DCHS1: variants seen among roughly 807,000 people sequenced by gnomAD.
The protein encoded by DCHS1 is protocadherin-16.
In DCHS1, 78 loss-of-function variants were observed where a neutral mutation model predicts 213.9. The observed-to-expected ratio is 0.36, with a 90% CI of 0.30 to 0.44. The LOEUF (loss-of-function observed/expected upper bound fraction) is 0.44. DCHS1 is among the 20% of genes least tolerant of loss of function. The pLI, the probability that DCHS1 is intolerant of heterozygous loss-of-function variation, is 1.00. For synonymous variants in DCHS1, 1,828 were observed against 1,873.7 expected (o/e 0.98, Z 0.63); for missense variants, 3,946 against 4,395.9 (o/e 0.90, Z 2.89).
Position 6,625,513 on chromosome 11 carries a change from T to C in DCHS1, c.6863-32A>G, listed in dbSNP as rs1422967441. On this transcript the variant is annotated intron_variant, in intron 18 of 20. Transcript: ENST00000299441. The surrounding 1 kb of genome is among the most constrained non-coding windows in gnomAD (Gnocchi z 5.3). ...TACATGAGACTAGTGTGTTTGGCAA[T>C]GGACACAGCCCCACCTTGAGCTGCA... 1.9e-6 allele frequency: 3 copies of C among 1,607,242 alleles called. No individual in the cohort carries two copies. Among genetic ancestry groups the C allele is most frequent in the South Asian group, 2.2e-5 (2 of 90,296 alleles).
intron 2 of DCHS1, among the ~76,000 whole-genome samples, chr11:6,638,009 G>T (rs940095559): frequency 2.0e-5 from 3 of 152,192 alleles, no homozygotes; most frequent in Non-Finnish European, 4.4e-5. Flanking sequence ...ACCACCTGGA[G>T]AGTTGCCCTC....
intron 1 of DCHS1, among the ~76,000 whole-genome samples, chr11:6,650,145 C>T (rs994425449): frequency 6.6e-6 from 1 of 152,192 alleles, no homozygotes; most frequent in Non-Finnish European, 1.5e-5. Flanking sequence ...TTCTTTCTCT[C>T]TCACCATCCA....
chr11:6,625,674 G>A lies in DCHS1; in HGVS notation c.6785C>T (p.Thr2262Ile), dbSNP rs756398956. The A allele has an allele frequency of 6.2e-7, 1 of 1,613,116 alleles. No individual in the cohort carries two copies. Among genetic ancestry groups the A allele is most frequent in the Admixed American group, 1.7e-5 (1 of 59,818 alleles). ...RGSPALVGSA[T>I]LTVMVIDTND... ...GGTGTCGATGACCATCACCGTCAAG[G>A]TAGCTGAGCCCACCAGGGCTGGGCT... The change falls in exon 18 of 21, where the codon ACC becomes ATC. Residue 2262 changes from threonine to isoleucine, a missense_variant. By Grantham distance (89) the Thr-to-Ile change is moderately conservative. Around this residue, in one of 3 missense-constraint regions of DCHS1, gnomAD observed 3,384 missense variants for 3,780.1 expected, o/e 0.90. Transcript: ENST00000299441. The surrounding 1 kb of genome is among the most constrained non-coding windows in gnomAD (Gnocchi z 5.3).
At chr11:6,644,662 A>G (rs1172090737) in intron 1 of DCHS1, among the ~76,000 whole-genome samples, 1 of 152,344 alleles carries the variant, frequency 6.6e-6, no homozygotes, top group Admixed American at 6.5e-5. Flanking sequence ...TCCAGCATTT[A>G]GTAGAGTTAT....
In DCHS1 at chr11:6,640,243, G is replaced by A. The variant is rs1856047351; in HGVS notation, c.1371C>T (p.Ala457=). The A allele has an allele frequency of 6.2e-7, 1 of 1,611,758 alleles. No homozygotes were observed. Among genetic ancestry groups the A allele is most frequent in the Non-Finnish European group, 8.5e-7 (1 of 1,179,004 alleles). Residue 457 remains alanine (A), a synonymous_variant, in exon 2 of 21, where the codon GCC becomes GCT. Coordinates refer to ENST00000299441, the MANE Select transcript of DCHS1 (RefSeq NM_003737.4). The surrounding 1 kb of genome is among the most constrained non-coding windows in gnomAD (Gnocchi z 6.5). ...SGSPPLRAEA[A]FVLHVTDVND... ...TGACATCAGTGACGTGCAGCACAAA[G>A]GCAGCCTCAGCCCGCAGTGGAGGTG...
intron 1 of DCHS1, among the ~76,000 whole-genome samples, chr11:6,650,772 C>T (rs1378772703): frequency 6.6e-6 from 1 of 152,118 alleles, no homozygotes; most frequent in African/African-American, 2.4e-5. Flanking sequence ...CCCAGAGCCC[C>T]AGTAGACACC....
intron 7 of DCHS1, 37 bp downstream of exon 7, chr11:6,631,579 C>T (rs935390700): frequency 6.4e-7 from 1 of 1,550,522 alleles, no homozygotes; most frequent in Non-Finnish European, 8.7e-7. Flanking sequence ...CACTCCCTCT[C>T]ACACTTCTCA....
chr11:6,655,404 G>A (rs1031996546), intron 1 of DCHS1, among the ~76,000 whole-genome samples, 159 bp downstream of exon 1: 2 of 149,724 alleles, frequency 1.3e-5, no homozygotes, highest in Admixed American at 1.3e-4. Flanking sequence ...CCACGCTCAC[G>A]TTCACGCCCG....
intron 2 of DCHS1, among the ~76,000 whole-genome samples, chr11:6,638,504 C>A (rs1204394416): frequency 6.6e-6 from 1 of 152,186 alleles, no homozygotes; most frequent in Non-Finnish European, 1.5e-5. Context: ...CTCCTGAACA[C>A]GTCCTGGTAT....
Position 6,630,348 on chromosome 11 carries a change from G to A in DCHS1, c.4446C>T (p.Pro1482=), listed in dbSNP as rs1460556201. ...VRYRLLRQEP[P]VPALRLDART... Reference sequence around the variant, plus strand: ...GCGCGTCCAGGCGAAGCGCCGGCACGGGCGGCTCCTGGCGCAGCAGGCGGT... The same window carrying A: ...GCGCGTCCAGGCGAAGCGCCGGCACAGGCGGCTCCTGGCGCAGCAGGCGGT... Residue 1482 remains proline (P), a synonymous_variant, in exon 10 of 21, where the codon CCC becomes CCT. Coordinates refer to ENST00000299441, the MANE Select transcript of DCHS1 (RefSeq NM_003737.4). 7.6e-7 allele frequency: 1 copy of A among 1,311,972 alleles called. No individual in the cohort carries two copies. Among genetic ancestry groups the A allele is most frequent in the Non-Finnish European group, 9.7e-7 (1 of 1,032,598 alleles). 81.3% of individuals were successfully genotyped at this position (1,311,972 alleles called of 1,614,324 possible).
Position 6,628,651 on chromosome 11 carries a change from C to T in DCHS1, c.5341G>A (p.Ala1781Thr), listed in dbSNP as rs1209109340. 6.2e-7 allele frequency: 1 copy of T among 1,614,054 alleles called. No individual in the cohort carries two copies. Among genetic ancestry groups the T allele is most frequent in the South Asian group, 1.1e-5 (1 of 91,086 alleles). The change falls in exon 13 of 21, where the codon GCC becomes ACC. Residue 1781 changes from alanine (A) to threonine (T), a missense_variant. Around this residue, in one of 3 missense-constraint regions of DCHS1, gnomAD observed 3,384 missense variants for 3,780.1 expected, o/e 0.90. Coordinates refer to ENST00000299441, the MANE Select transcript of DCHS1 (RefSeq NM_003737.4). This position sits in a 1 kb window ranked among gnomAD's most constrained non-coding sequence, Gnocchi z 4.3. The part of the protein sequence containing the change: ...MLRASDPDVG[A>T]NGQLQYRILD... ...ATGCGGTACTGCAACTGCCCATTGG[C>T]TCCCACATCTGGATCAGAGGCCCGA...
In DCHS1 at chr11:6,641,857, A is replaced by C; in HGVS notation, c.-120-124T>G. On this transcript the variant is annotated intron_variant, in intron 1 of 20. Coordinates refer to ENST00000299441, the MANE Select transcript of DCHS1 (RefSeq NM_003737.4). This position sits in a 1 kb window ranked among gnomAD's most constrained non-coding sequence, Gnocchi z 7.1. ...CCAGCAGGCCCTTGTGCTGCCTCAC[A>C]CTCATCTTGGGCCACACGGATCTCT... 2.4e-6 allele frequency: 2 copies of C among 827,834 alleles called. No individual in the cohort carries two copies. Among genetic ancestry groups the C allele is most frequent in the Non-Finnish European group, 3.5e-6 (2 of 563,660 alleles). 51.3% of individuals were successfully genotyped at this position (827,834 alleles called of 1,614,324 possible). A position where few individuals can be genotyped will look rare whatever the true frequency, so the allele number is the denominator to read the frequency against.
At position 6,633,900 on chromosome 11, in the gene DCHS1, C is replaced by T. The variant is rs1163655580; in HGVS notation, c.2107G>A (p.Ala703Thr). Residue 703 changes from alanine to threonine, a missense_variant, in exon 4 of 21, where the codon GCT (alanine) becomes ACT (threonine). Around this residue, in one of 3 missense-constraint regions of DCHS1, gnomAD observed 3,384 missense variants for 3,780.1 expected, o/e 0.90. Coordinates refer to ENST00000299441, the MANE Select transcript of DCHS1 (RefSeq NM_003737.4). Reference sequence around the variant, plus strand: ...TCATGGGCACGCAACCTCAGCACAGCTGTGCCTGGTGGACTCTGGGCACTT... The same window carrying T: ...TCATGGGCACGCAACCTCAGCACAGTTGTGCCTGGTGGACTCTGGGCACTT... ...SISAQSPPGT[A>T]VLRLRAHDPD... 1.2e-6 allele frequency: 2 copies of T among 1,614,004 alleles called. No individual in the cohort carries two copies. The highest frequency in any genetic ancestry group is 2.2e-5 in the South Asian group (2 of 91,082).
chr11:6,648,964 GT>G (rs1338021714), intron 1 of DCHS1, among the ~76,000 whole-genome samples: 1 of 152,108 alleles, frequency 6.6e-6, no homozygotes, highest in Non-Finnish European at 1.5e-5. Flanking sequence ...AACATTCTAA[GT>G]GTTAGTTTCC....
Position 6,622,456 on chromosome 11 carries a change from C to A in DCHS1, c.9220G>T (p.Asp3074Tyr). The change falls in exon 21 of 21, where the codon GAT (aspartate) becomes TAT (tyrosine). Residue 3074 changes from aspartate (D) to tyrosine (Y), a missense_variant. Asp to Tyr is a radical substitution (Grantham distance 160). Transcript: ENST00000299441. The surrounding 1 kb of genome is among the most constrained non-coding windows in gnomAD (Gnocchi z 5.4). ...GPDSGIQQDA[D>Y]GLSDTSCEPP... is the part of the protein sequence containing the mutation. ...TCGCAGGATGTGTCACTCAGACCATCTGCATCCTGCTGGATGCCTGAGTCA... is the reference window on the plus strand; with the variant it reads ...TCGCAGGATGTGTCACTCAGACCATATGCATCCTGCTGGATGCCTGAGTCA... The A allele has an allele frequency of 6.4e-7, 1 of 1,562,392 alleles. No individual in the cohort carries two copies. Among genetic ancestry groups the A allele is most frequent in the East Asian group, 2.4e-5 (1 of 42,160 alleles).
At position 6,632,839 on chromosome 11, in the gene DCHS1, G is replaced by A. The variant is rs1443066469; in HGVS notation, c.2673C>T (p.Ser891=). 6.2e-7 allele frequency: 1 copy of A among 1,613,886 alleles called. No homozygotes were observed. The highest frequency in any genetic ancestry group is 1.3e-5 in the African/African-American group (1 of 74,920). Residue 891 remains serine, a synonymous_variant, in exon 6 of 21, where the codon TCC becomes TCT. Coordinates refer to ENST00000299441, the MANE Select transcript of DCHS1 (RefSeq NM_003737.4). The surrounding 1 kb of genome is among the most constrained non-coding windows in gnomAD (Gnocchi z 5.9). ...TGTCTTCAGGTGCAGGAAAGGCAGG[G>A]GAGTTGTCATTCACATCATCCAGCA... The part of the protein sequence containing the change: ...RVLLDDVNDN[S]PAFPAPEDTV...
chr11:6,622,704 C>T lies in DCHS1; in HGVS notation c.8972G>A (p.Arg2991Gln), dbSNP rs200152314. Residue 2991 changes from arginine to glutamine, a missense_variant, in exon 21 of 21, where the codon CGG (arginine) becomes CAG (glutamine). By Grantham distance (43) the Arg-to-Gln change is conservative. Around this residue, in one of 3 missense-constraint regions of DCHS1, gnomAD observed 554 missense variants for 590.2 expected, o/e 0.94. Coordinates refer to ENST00000299441, the MANE Select transcript of DCHS1 (RefSeq NM_003737.4). This position sits in a 1 kb window ranked among gnomAD's most constrained non-coding sequence, Gnocchi z 5.4. ...AGAGGGTGGTGGACTAGGTGGCTCC[C>T]GGCCCAGTTTCTGCAGTGAGTCACT... ...LASDSLQKLG[R>Q]EPPSPPPSEH... is the part of the protein sequence containing the mutation. 96 of 1,591,940 alleles carry T rather than the reference C, an allele frequency of 6.0e-5. No homozygotes were observed. The Middle Eastern group carries it at 1.3e-3, about 22-fold the overall frequency.
rs1855827160 is a variant in DCHS1 at position 6,627,408 on chromosome 11, T to C, written c.5631A>G (p.Leu1877=). 2.5e-6 allele frequency: 4 copies of C among 1,609,990 alleles called. No individual in the cohort carries two copies. In the South Asian group the frequency reaches 4.4e-5, roughly 18 times the overall value. The change falls in exon 14 of 21, where the codon CTA becomes CTG. Residue 1877 remains leucine (L), a synonymous_variant. Transcript: ENST00000299441. The surrounding 1 kb of genome is among the most constrained non-coding windows in gnomAD (Gnocchi z 5.4). ...DVPAGTLLLQ[L]QAHDPDAGAN... is the part of the protein sequence containing the mutation. Reference sequence around the variant, plus strand: ...CTCCAGCATCAGGGTCATGAGCCTGTAGCTGCAGCAGCAGGGTCCCTGCAG... The same window carrying C: ...CTCCAGCATCAGGGTCATGAGCCTGCAGCTGCAGCAGCAGGGTCCCTGCAG...
chr11:6,622,887 G>T lies in DCHS1; in HGVS notation c.8789C>A (p.Ala2930Glu). The change falls in exon 21 of 21, where the codon GCA (alanine) becomes GAA (glutamate). Residue 2930 changes from alanine to glutamate, a missense_variant. By Grantham distance (107) the Ala-to-Glu change is moderately radical. Coordinates refer to ENST00000299441, the MANE Select transcript of DCHS1 (RefSeq NM_003737.4). This position sits in a 1 kb window ranked among gnomAD's most constrained non-coding sequence, Gnocchi z 5.4. Reference protein sequence around the residue: ...VDITHTALGLAPDLNLLLVGA... With the variant: ...VDITHTALGLEPDLNLLLVGA... ...TACTAATAGCAGGTTGAGGTCAGGT[G>T]CCAGGCCCAGTGCGGTGTGGGTGAT... 1 of 1,597,242 alleles carries T rather than the reference G, an allele frequency of 6.3e-7. No homozygotes were observed. The highest frequency in any genetic ancestry group is 8.5e-7 in the Non-Finnish European group (1 of 1,172,060).
Sources: allele counts gnomAD v4.1 joint callset (sites outside exome capture counted in the v4.1 genomes callset), GRCh38; gene constraint gnomAD v4.1.1; regional missense constraint gnomAD v4.1.1; non-coding constraint Gnocchi (gnomAD v3.1); transcripts MANE v1.5; gene names NCBI Gene and HGNC (gene_info 2026-07-23, HGNC 2026-07-21).